PRKCZ: variants seen among roughly 807,000 people sequenced by gnomAD.
The protein encoded by PRKCZ is protein kinase C zeta, also known as protein kinase C zeta type.
Under a neutral mutation model 79.5 loss-of-function variants are expected in PRKCZ, and 33 were observed. The observed-to-expected ratio is 0.41, with a 90% CI of 0.31 to 0.55. PRKCZ has a LOEUF of 0.55. PRKCZ is among the 20% of genes least tolerant of loss of function. The pLI, the probability that PRKCZ is intolerant of heterozygous loss-of-function variation, is 0.19. For missense variants in PRKCZ, 578 were observed against 813.5 expected (o/e 0.71, Z 3.52); for synonymous variants, 342 against 320.9 (o/e 1.07, Z -0.70).
chr1:2,104,719 A>G, intron 4 of PRKCZ: 2 of 985,748 alleles, frequency 2.0e-6, no homozygotes, highest in South Asian at 9.4e-5. Flanking sequence ...GGTGGTCAGA[A>G]CATCGCTCGG....
intron 7 of PRKCZ, among the ~76,000 whole-genome samples, chr1:2,148,300 TATCC>T (rs1334371867): frequency 6.6e-6 from 1 of 151,212 alleles, no homozygotes; most frequent in Non-Finnish European, 1.5e-5. Context: ...CCTCTCCATC[TATCC>T]ATCCATCTAT....
intron 4 of PRKCZ, among the ~76,000 whole-genome samples, chr1:2,123,945 T>C (rs1414069207): frequency 4.0e-5 from 1 of 25,140 alleles, no homozygotes; most frequent in Non-Finnish European, 7.7e-5. Context: ...GTCACGGCGG[T>C]GGTTAGGGTC....
intron 4 of PRKCZ, among the ~76,000 whole-genome samples, chr1:2,105,207 T>A (rs1261636277): frequency 6.6e-6 from 1 of 152,178 alleles, no homozygotes; most frequent in African/African-American, 2.4e-5. Context: ...GCTCTTGCGC[T>A]GTGTACCGGC....
chr1:2,146,870 A>G (rs1678650726), intron 7 of PRKCZ, among the ~76,000 whole-genome samples: 1 of 152,050 alleles, frequency 6.6e-6, no homozygotes, highest in African/African-American at 2.4e-5. Context: ...CTATACAGAT[A>G]TTCATCCGTA....
At chr1:2,141,855 G>C in intron 5 of PRKCZ, 1 of 304,676 alleles carries the variant, frequency 3.3e-6, no homozygotes, top group Non-Finnish European at 6.4e-6. Context: ...GAATGGAGCA[G>C]GTCTGCACAG....
chr1:2,147,816 A>G (rs913141950), intron 7 of PRKCZ, among the ~76,000 whole-genome samples: 42 of 134,240 alleles, frequency 3.1e-4, no homozygotes, highest in African/African-American at 7.9e-4. Flanking sequence ...CCATCCATCT[A>G]TTGTCCACTG....
intron 4 of PRKCZ, among the ~76,000 whole-genome samples, chr1:2,131,314 T>G (rs1674913017): frequency 6.6e-6 from 1 of 152,170 alleles, no homozygotes; most frequent in African/African-American, 2.4e-5. Flanking sequence ...TTTAAAAATC[T>G]GATTTGAAGG....
chr1:2,109,332 G>A (rs1669241955), intron 4 of PRKCZ, among the ~76,000 whole-genome samples: 2 of 152,324 alleles, frequency 1.3e-5, no homozygotes, highest in South Asian at 4.1e-4. Flanking sequence ...GCGCAGGGGC[G>A]ATGGTCGGGG....
rs146353527 is a variant in PRKCZ, at chr1:2,125,265, G to A, written c.335-9997G>A. Reference sequence around the variant, plus strand: ...TGCAACTGACTGCTTGGAAGTTGGCGTACATCTTTCCACGGAAACTATGAA... The same window carrying A: ...TGCAACTGACTGCTTGGAAGTTGGCATACATCTTTCCACGGAAACTATGAA... On this transcript the variant is annotated intron_variant, in intron 4 of 17. Transcript: ENST00000378567. This position sits in a 1 kb window ranked among gnomAD's most constrained non-coding sequence, Gnocchi z 4.2. Among the ~76,000 whole-genome samples, 26 of 152,306 alleles carry A rather than the reference G, an allele frequency of 1.7e-4. No homozygotes were observed. The East Asian group carries it at 3.9e-3, about 23-fold the overall frequency.
intron 4 of PRKCZ, among the ~76,000 whole-genome samples, chr1:2,072,946 G>A (rs955035587): frequency 1.3e-5 from 2 of 152,034 alleles, no homozygotes; most frequent in African/African-American, 2.4e-5. Context: ...TGAGCACCCC[G>A]CGACCCCCCA....
intron 10 of PRKCZ, among the ~76,000 whole-genome samples, chr1:2,163,065 T>C (rs570571393): frequency 1.3e-4 from 20 of 152,310 alleles, no homozygotes; most frequent in African/African-American, 4.3e-4. Context: ...GGTCGTGCCG[T>C]CTCTGTTCAT....
chr1:2,092,975 G>A (rs1257326163), intron 4 of PRKCZ, among the ~76,000 whole-genome samples: 2 of 152,214 alleles, frequency 1.3e-5, no homozygotes, highest in Admixed American at 6.5e-5. Context: ...TTGCCTCCAC[G>A]ATGTCAGCTT....
At chr1:2,158,105 C>T (rs1255734645) in intron 10 of PRKCZ, among the ~76,000 whole-genome samples, 2 of 152,210 alleles carry the variant, frequency 1.3e-5, no homozygotes, top group Admixed American at 6.5e-5. Flanking sequence ...CGGCGTGACC[C>T]GGCCGTTCCC....
chr1:2,132,468 G>A (rs936753160), intron 4 of PRKCZ, among the ~76,000 whole-genome samples: 3 of 152,162 alleles, frequency 2.0e-5, no homozygotes, highest in Non-Finnish European at 2.9e-5. Flanking sequence ...CCATTTCTCC[G>A]GGGCACTCCT....
chr1:2,065,005 A>C (rs1176475141), intron 4 of PRKCZ, among the ~76,000 whole-genome samples: 1 of 152,122 alleles, frequency 6.6e-6, no homozygotes, highest in Non-Finnish European at 1.5e-5. Context: ...CTGTTTGTTT[A>C]TGTTTTCTTT....
chr1:2,130,931 C>T (rs1219986528), intron 4 of PRKCZ, among the ~76,000 whole-genome samples: 1 of 151,922 alleles, frequency 6.6e-6, no homozygotes, highest in Non-Finnish European at 1.5e-5. Context: ...CAGCAGTACT[C>T]CCGCCTGACA....
At chr1:2,184,487 A>C (rs1360550069) in intron 16 of PRKCZ, 96 bp from the exon 17 acceptor site, 6 of 839,080 alleles carry the variant, frequency 7.2e-6, no homozygotes, top group Non-Finnish European at 1.1e-5. Flanking sequence ...TGACTTTCTC[A>C]CTGTTTCATT....
chr1:2,054,681 A>T (rs1001321527), intron 1 of PRKCZ, among the ~76,000 whole-genome samples: 4 of 151,792 alleles, frequency 2.6e-5, no homozygotes. Context: ...AATCCCCGCC[A>T]CTTCACCGCT....
At chr1:2,151,201 C>A (rs1469956226) in intron 9 of PRKCZ, among the ~76,000 whole-genome samples, 2 of 152,270 alleles carry the variant, frequency 1.3e-5, no homozygotes, top group African/African-American at 4.8e-5. Flanking sequence ...GTGCACTCCA[C>A]AAACCCAAAC....
Sources: allele counts gnomAD v4.1 joint callset (sites outside exome capture counted in the v4.1 genomes callset), GRCh38; gene constraint gnomAD v4.1.1; non-coding constraint Gnocchi (gnomAD v3.1); transcripts MANE v1.5; gene names NCBI Gene and HGNC (gene_info 2026-07-23, HGNC 2026-07-21).